The following KCNMA1 variants were observed in gnomAD, a reference collection of about 807,000 sequenced individuals.
KCNMA1 encodes Calcium-activated potassium channel subunit alpha-1.
A neutral mutation model predicts 140.0 loss-of-function variants in KCNMA1; 29 were observed. That is an observed-to-expected ratio of 0.21 (90% CI 0.15 to 0.28). The LOEUF (loss-of-function observed/expected upper bound fraction) is 0.28, where lower values mean the gene tolerates loss of function less well. Among genes scored for constraint, KCNMA1 ranks in the 10% least tolerant of loss-of-function variants. KCNMA1 has a pLI of 1.00. For synonymous variants in KCNMA1, 612 were observed against 611.9 expected (o/e 1.00, Z 0.00); for missense variants, 880 against 1,602.2 (o/e 0.55, Z 7.70).
intron 3 of KCNMA1, among the ~76,000 whole-genome samples, chr10:77,234,707 A>G (rs1318537236): frequency 6.6e-6 from 1 of 152,228 alleles, no homozygotes; most frequent in Non-Finnish European, 1.5e-5. Flanking sequence ...TCTCCATACT[A>G]ACAACCAAGA....
chr10:76,972,325 A>G (rs536714814), intron 19 of KCNMA1, among the ~76,000 whole-genome samples: 3 of 152,352 alleles, frequency 2.0e-5, no homozygotes, highest in South Asian at 2.1e-4. Context: ...CAAGGTCACC[A>G]GATGCTACCA....
chr10:77,418,740 C>T (rs995448453), intron 1 of KCNMA1, among the ~76,000 whole-genome samples: 5 of 152,194 alleles, frequency 3.3e-5, no homozygotes, highest in Non-Finnish European at 7.4e-5. Context: ...TCCCCTCTTT[C>T]CCCCAACTTT....
chr10:77,603,490 C>G (rs1310765703), intron 1 of KCNMA1, among the ~76,000 whole-genome samples: 1 of 152,172 alleles, frequency 6.6e-6, no homozygotes, highest in African/African-American at 2.4e-5. Context: ...TTCAGGAGAA[C>G]AGGGTCTGAG....
intron 25 of KCNMA1, among the ~76,000 whole-genome samples, chr10:76,906,832 A>T (rs2048016141): frequency 6.6e-6 from 1 of 152,200 alleles, no homozygotes; most frequent in Non-Finnish European, 1.5e-5. Flanking sequence ...CACAGGTAAC[A>T]TTTTACCAAA....
chr10:77,629,531 T>G (rs1249941564), intron 1 of KCNMA1, among the ~76,000 whole-genome samples: 1 of 152,218 alleles, frequency 6.6e-6, no homozygotes, highest in African/African-American at 2.4e-5. Context: ...AGCCCCCAGC[T>G]AACTACTGGA....
intron 5 of KCNMA1, among the ~76,000 whole-genome samples, chr10:77,151,254 G>A (rs550549993): frequency 5.9e-4 from 86 of 146,080 alleles, no homozygotes; most frequent in African/African-American, 2.1e-3. Context: ...TTCTGATGGA[G>A]TCTTGCTCTG....
At chr10:77,504,708 T>G (rs576039468) in intron 1 of KCNMA1, among the ~76,000 whole-genome samples, 2 of 152,166 alleles carry the variant, frequency 1.3e-5, no homozygotes, top group African/African-American at 2.4e-5. Context: ...GCAATTCTCC[T>G]GCCTCAGCCT....
chr10:77,562,049 CAG>C (rs989863028), intron 1 of KCNMA1, among the ~76,000 whole-genome samples: 170 of 152,312 alleles, frequency 1.1e-3, no homozygotes, highest in African/African-American at 3.9e-3. Flanking sequence ...TAGTAAATGA[CAG>C]AGTCAAAATG....
At chr10:77,000,270 G>T (rs2085786402) in intron 19 of KCNMA1, among the ~76,000 whole-genome samples, 1 of 152,294 alleles carries the variant, frequency 6.6e-6, no homozygotes, top group African/African-American at 2.4e-5. Flanking sequence ...TACCTTCTAT[G>T]CTACCAAAAC....
At chr10:77,276,064 C>T (rs2066592785) in intron 2 of KCNMA1, among the ~76,000 whole-genome samples, 1 of 152,212 alleles carries the variant, frequency 6.6e-6, no homozygotes, top group Non-Finnish European at 1.5e-5. Flanking sequence ...CATCTTAATT[C>T]CCTAAGCTGA....
intron 9 of KCNMA1, among the ~76,000 whole-genome samples, chr10:77,095,760 C>T (rs2096916498): frequency 6.6e-6 from 1 of 152,118 alleles, no homozygotes; most frequent in Admixed American, 6.5e-5. Context: ...CAGTGATGGG[C>T]CAGGAAAGCC....
chr10:77,141,748 C>G (rs1193305181), intron 5 of KCNMA1, among the ~76,000 whole-genome samples: 2 of 152,156 alleles, frequency 1.3e-5, no homozygotes, highest in Non-Finnish European at 2.9e-5. Context: ...AAAATATAAA[C>G]AGGAAAATAT....
chr10:77,563,698 G>A (rs569411389), intron 1 of KCNMA1, among the ~76,000 whole-genome samples: 175 of 152,240 alleles, frequency 1.1e-3, no homozygotes, highest in African/African-American at 4.0e-3. Flanking sequence ...ACGAACCTCC[G>A]GAATTCTAGC....
In KCNMA1 at chr10:77,421,794, C is replaced by T. The variant is rs556335020; in HGVS notation, c.379-17771G>A. Among the ~76,000 whole-genome samples the T allele has an allele frequency of 7.2e-5, 11 of 152,326 alleles. 1 individual carries two copies. Among genetic ancestry groups the T allele is most frequent in the South Asian group, 4.2e-4 (2 of 4,818 alleles). On this transcript the variant is annotated intron_variant, in intron 1 of 27. Coordinates refer to ENST00000286628, the MANE Select transcript of KCNMA1 (RefSeq NM_001161352.2). The stretch of plus-strand genomic sequence containing the variant: ...CACTAGACTATCAGTTTCCTAGAGA[C>T]GGAAGCCACGTCTTGTTCACAGATG...
chr10:77,340,048 T>C (rs1396971327), intron 2 of KCNMA1, among the ~76,000 whole-genome samples: 1 of 152,166 alleles, frequency 6.6e-6, no homozygotes, highest in African/African-American at 2.4e-5. Flanking sequence ...CTCTGTTACA[T>C]GAAGCCCAAG....
intron 1 of KCNMA1, among the ~76,000 whole-genome samples, chr10:77,502,340 C>T (rs919158541): frequency 5.9e-5 from 9 of 152,124 alleles, no homozygotes; most frequent in African/African-American, 1.9e-4. Flanking sequence ...GACGAGGAGA[C>T]GGAGGCCCGT....
At chr10:77,228,202 T>TG in intron 3 of KCNMA1, among the ~76,000 whole-genome samples, 1 of 152,274 alleles carries the variant, frequency 6.6e-6, no homozygotes, top group African/African-American at 2.4e-5. Context: ...TGACCTCAGG[T>TG]GATCCACTTG....
chr10:77,635,456 A>C (rs2093643459), intron 1 of KCNMA1: 1 of 152,230 alleles, frequency 6.6e-6, no homozygotes, highest in Non-Finnish European at 1.5e-5. Context: ...TCAGAGGCAC[A>C]CAACTATGAG....
chr10:76,871,872 G>A (rs1226172647), exon 28 of KCNMA1: 1 of 152,116 alleles, frequency 6.6e-6, no homozygotes, highest in Non-Finnish European at 1.5e-5. Context: ...TTCTCTAATG[G>A]TGCTTTGAGC....
Sources: gnomAD v4.1 joint callset for allele counts (sites outside exome capture counted in the v4.1 genomes callset) on GRCh38, gnomAD v4.1.1 for gene constraint, MANE v1.5 for transcripts, NCBI Gene and HGNC (gene_info 2026-07-23, HGNC 2026-07-21) for gene names.